PLPP5: variants seen among roughly 807,000 people sequenced by gnomAD.
The protein encoded by PLPP5 is diacylglycerol pyrophosphate like 1.
A neutral mutation model predicts 23.6 loss-of-function variants in PLPP5; 29 were observed. The ratio of observed to expected loss-of-function variants is 1.23; its 90% CI spans 0.92 to 1.68. The LOEUF is 1.68. Ranked by LOEUF, PLPP5 falls within the 40% of genes most tolerant of loss-of-function variation. The pLI is 0.00. For missense variants in PLPP5, 315 were observed against 332.1 expected, an observed-to-expected ratio of 0.95 and a Z score of 0.40; for synonymous variants, 143 against 131.3, an observed-to-expected ratio of 1.09 and a Z score of -0.61.
In PLPP5 at chr8:38,264,429, G is replaced by A. The variant is rs374989257; in HGVS notation, c.*15C>T. 2.8e-5 allele frequency: 43 copies of A among 1,535,290 alleles called. No homozygotes were observed. In the East Asian group the frequency reaches 3.7e-4, roughly 13 times the overall value. ...ATTACAGGCATGAGCCACCACGCCC[G>A]GCCAGATTCAATTTTTAAATATCAA... On this transcript the variant is annotated 3_prime_UTR_variant, in exon 7 of 7. Coordinates refer to ENST00000424479, the MANE Select transcript of PLPP5 (RefSeq NM_001102559.2).
In PLPP5 at chr8:38,266,196, AAGT is replaced by A. The variant is rs1460961919; in HGVS notation, c.576_578del (p.Leu193del). The stretch of plus-strand genomic sequence containing the variant: ...GGGACAGTGCAATCACAGCTGCAAA[AAGT>A]AGAGGTGACAGAAAGGCACAGAACC... On this transcript the variant is annotated inframe_deletion, in exon 6 of 7. Coordinates refer to ENST00000424479, the MANE Select transcript of PLPP5 (RefSeq NM_001102559.2). 5 of 1,613,994 alleles carry A rather than the reference AAGT, an allele frequency of 3.1e-6. No individual in the cohort carries two copies. The highest frequency in any genetic ancestry group is 4.2e-6 in the Non-Finnish European group (5 of 1,179,920).
intron 5 of PLPP5, 151 bp downstream of exon 5, chr8:38,267,116 G>T: frequency 6.6e-7 from 1 of 1,508,736 alleles, no homozygotes; most frequent in Non-Finnish European, 8.9e-7. Flanking sequence ...TCAAGGCTCA[G>T]ACTTGTTAAA....
At chr8:38,267,073 T>C in intron 5 of PLPP5, 194 bp downstream of exon 5, 1 of 1,434,550 alleles carries the variant, frequency 7.0e-7, no homozygotes, top group African/African-American at 1.4e-5. Flanking sequence ...GAAGGTAAAC[T>C]ACCTTTCTGT....
intron 3 of PLPP5, 23 bp downstream of exon 3, chr8:38,268,348 G>C: frequency 1.3e-6 from 2 of 1,548,766 alleles, no homozygotes; most frequent in Non-Finnish European, 1.7e-6. Flanking sequence ...CGAAGAAACC[G>C]GCCCGAAAGG....
Position 38,268,468 on chromosome 8 carries a change from CAG to C in PLPP5, c.184-9_184-8del. ...GAGAGAGAAATGCAATAACCTGAAT[CAG>C]AATGTCAGAGGTTAAAAACAATCCA... On this transcript the variant is annotated splice_region_variant and splice_polypyrimidine_tract_variant and intron_variant, in intron 2 of 6. Coordinates refer to ENST00000424479, the MANE Select transcript of PLPP5 (RefSeq NM_001102559.2). 1 of 1,563,138 alleles carries C rather than the reference CAG, an allele frequency of 6.4e-7. No homozygotes were observed. The highest frequency in any genetic ancestry group is 1.4e-5 in the African/African-American group (1 of 73,724).
intron 4 of PLPP5, chr8:38,267,667 G>A: frequency 4.8e-6 from 3 of 621,094 alleles, no homozygotes; most frequent in Non-Finnish European, 8.3e-6. Flanking sequence ...GACACTGACC[G>A]ACTGCTGTGG....
At position 38,268,960 on chromosome 8, in the gene PLPP5, T is replaced by G; in HGVS notation, c.105A>C (p.Arg35Ser). ...LVTELLPPFQ[R>S]LIQPEEMWLY... is the part of the protein sequence containing the mutation. ...GCCACATCTCCTCCGGCTGGATGAGTCTCTGGAACGGGGGGAGCAGCTCCG... is the reference window on the plus strand; with the variant it reads ...GCCACATCTCCTCCGGCTGGATGAGGCTCTGGAACGGGGGGAGCAGCTCCG... Residue 35 changes from arginine to serine, a missense_variant, in exon 2 of 7, where the codon AGA (arginine) becomes AGC (serine). By Grantham distance (110) the Arg-to-Ser change is moderately radical. Coordinates refer to ENST00000424479, the MANE Select transcript of PLPP5 (RefSeq NM_001102559.2). The G allele has an allele frequency of 6.4e-7, 1 of 1,564,588 alleles. No individual in the cohort carries two copies.
chr8:38,266,135 G>A lies in PLPP5; in HGVS notation c.634+6C>T, dbSNP rs1245358210. 5 of 1,613,528 alleles carry A rather than the reference G, an allele frequency of 3.1e-6. No homozygotes were observed. Among genetic ancestry groups the A allele is most frequent in the Non-Finnish European group, 8.5e-7 (1 of 1,179,678 alleles). ...CAAGCTTCCATAGCCTGAGTACTTT[G>A]CTTACCTTGCCAGTGATGCTTGTAG... On this transcript the variant is annotated splice_donor_region_variant and intron_variant, in intron 6 of 6. Transcript: ENST00000424479.
At chr8:38,267,495 C>T (rs1563328294) in intron 4 of PLPP5, 104 bp from the exon 5 acceptor site, 1 of 1,357,122 alleles carries the variant, frequency 7.4e-7, no homozygotes, top group African/African-American at 1.5e-5. Flanking sequence ...TCAAATAGTG[C>T]CCCAGGCAAA....
chr8:38,268,653 C>A, intron 2 of PLPP5, 192 bp from the exon 3 acceptor site: 1 of 1,435,322 alleles, frequency 7.0e-7, no homozygotes, highest in Non-Finnish European at 9.1e-7. Context: ...GTACCTCAGG[C>A]TGAGGCACAG....
intron 6 of PLPP5, 64 bp downstream of exon 6, chr8:38,266,077 G>A: frequency 1.3e-6 from 2 of 1,483,616 alleles, no homozygotes; most frequent in Non-Finnish European, 1.9e-6. Context: ...TCTCCTCTGT[G>A]CTAGGTGCTA....
In PLPP5 at chr8:38,268,438, C is replaced by G. The variant is rs1390165540; in HGVS notation, c.207G>C (p.Leu69=). 6.3e-6 allele frequency: 10 copies of G among 1,575,074 alleles called. No homozygotes were observed. In the East Asian group the frequency reaches 1.4e-4, roughly 22 times the overall value. ...PMFVIAFLSP[L]SLIFLAKFLK... ...GAAATTTGGCCAGGAAGATCAGAGACAGTGGAGAGAGAAATGCAATAACCT... is the reference window on the plus strand; with the variant it reads ...GAAATTTGGCCAGGAAGATCAGAGAGAGTGGAGAGAGAAATGCAATAACCT... Residue 69 remains leucine, a synonymous_variant, in exon 3 of 7, where the codon CTG becomes CTC. Coordinates refer to ENST00000424479, the MANE Select transcript of PLPP5 (RefSeq NM_001102559.2).
Position 38,263,541 on chromosome 8 carries a change from T to C in PLPP5, c.*903A>G. 1.0e-6 allele frequency: 1 copy of C among 985,438 alleles called. No homozygotes were observed. The highest frequency in any genetic ancestry group is 4.7e-5 in the South Asian group (1 of 21,290). 61.0% of individuals were successfully genotyped at this position (985,438 alleles called of 1,614,324 possible). The stretch of plus-strand genomic sequence containing the variant: ...CTTTATTATTGTTTTCACTTAGTAA[T>C]TCAACAAATTGTTTATGCCCACGGT... On this transcript the variant is annotated 3_prime_UTR_variant, in exon 7 of 7. Transcript: ENST00000424479.
rs1807213838 is a variant in PLPP5, at chr8:38,263,701, A to G, written c.*743T>C. Reference sequence around the variant, plus strand: ...CATCAGAGAAGGTAAACAGAATCAAAGTAATTTAGTTGGCCATGCCCTAGA... The same window carrying G: ...CATCAGAGAAGGTAAACAGAATCAAGGTAATTTAGTTGGCCATGCCCTAGA... On this transcript the variant is annotated 3_prime_UTR_variant, in exon 7 of 7. Transcript: ENST00000424479. The G allele has an allele frequency of 1.5e-5, 15 of 985,330 alleles. No individual in the cohort carries two copies. The highest frequency in any genetic ancestry group is 1.8e-5 in the Non-Finnish European group (15 of 829,814). The allele number at this position is 985,330 out of a possible 1,614,324, so 61.0% of individuals were successfully genotyped here.
intron 3 of PLPP5, 95 bp downstream of exon 3, chr8:38,268,276 C>G (rs1808022590): frequency 8.4e-7 from 1 of 1,191,984 alleles, no homozygotes; most frequent in Non-Finnish European, 1.2e-6. Context: ...ATGCAGAACT[C>G]AGTGGCCTCC....
In PLPP5 at chr8:38,263,686, G is replaced by C. The variant is rs1807212282; in HGVS notation, c.*758C>G. The stretch of plus-strand genomic sequence containing the variant: ...GCTTGATGGAATTGTCATCAGAGAA[G>C]GTAAACAGAATCAAAGTAATTTAGT... On this transcript the variant is annotated 3_prime_UTR_variant, in exon 7 of 7. Coordinates refer to ENST00000424479, the MANE Select transcript of PLPP5 (RefSeq NM_001102559.2). 1 of 985,116 alleles carries C rather than the reference G, an allele frequency of 1.0e-6. No individual in the cohort carries two copies. 61.0% of individuals were successfully genotyped at this position (985,116 alleles called of 1,614,324 possible).
intron 5 of PLPP5, 169 bp downstream of exon 5, chr8:38,267,098 C>A: frequency 6.8e-7 from 1 of 1,462,626 alleles, no homozygotes; most frequent in East Asian, 2.5e-5. Context: ...TAATATTTAC[C>A]CAAATAGTCA....
At chr8:38,268,346 C>T in intron 3 of PLPP5, 25 bp downstream of exon 3, 6 of 1,548,712 alleles carry the variant, frequency 3.9e-6, no homozygotes, top group Non-Finnish European at 5.2e-6. Flanking sequence ...CACGAAGAAA[C>T]CGGCCCGAAA....
rs748734887 is a variant in PLPP5 at position 38,269,036 on chromosome 8, C to G, written c.75-46G>C. 12 of 1,533,248 alleles carry G rather than the reference C, an allele frequency of 7.8e-6. No individual in the cohort carries two copies. The East Asian group carries it at 2.9e-4, about 37-fold the overall frequency. The allele number at this position is 1,533,248 out of a possible 1,614,324, so 95.0% of individuals were successfully genotyped here. On this transcript the variant is annotated intron_variant, in intron 1 of 6. Coordinates refer to ENST00000424479, the MANE Select transcript of PLPP5 (RefSeq NM_001102559.2). ...GCAGAGCAGGTCGCCTGGCTTCCTCCCCGCTTCCCCACTGCCCGACCCGCC... is the reference window on the plus strand; with the variant it reads ...GCAGAGCAGGTCGCCTGGCTTCCTCGCCGCTTCCCCACTGCCCGACCCGCC...
Sources: gnomAD v4.1 joint callset for allele counts on GRCh38, gnomAD v4.1.1 for gene constraint, MANE v1.5 for transcripts, NCBI Gene and HGNC (gene_info 2026-07-23, HGNC 2026-07-21) for gene names.